The following ZZEF1 variants were observed in gnomAD, a reference collection of about 807,000 sequenced individuals.
The protein encoded by ZZEF1 is zinc finger ZZ-type and EF-hand domain-containing protein 1.
Under a neutral mutation model 342.8 loss-of-function variants are expected in ZZEF1, and 157 were observed. The observed-to-expected ratio is 0.46, with a 90% CI of 0.40 to 0.52. The LOEUF is 0.52. Ranked by LOEUF, ZZEF1 falls within the 20% of genes least tolerant of loss-of-function variation. ZZEF1 has a pLI of 0.00. For synonymous variants in ZZEF1, 1,505 were observed against 1,429.1 expected (o/e 1.05, Z -1.20); for missense variants, 3,480 against 3,725.6 (o/e 0.93, Z 1.72).
In ZZEF1 at chr17:4,049,811, C is replaced by A. The variant is rs191605760; in HGVS notation, c.5912G>T (p.Ser1971Ile). 6.2e-7 allele frequency: 1 copy of A among 1,614,164 alleles called. No individual in the cohort carries two copies. The highest frequency in any genetic ancestry group is 1.3e-5 in the African/African-American group (1 of 75,036). ...LLGVLPDGDS[S>I]LEDQALPVTV... ...GACTGGTAGGGCCTGATCTTCTAGGCTCGAGTCCCCATCTGGCAATACACC... is the reference window on the plus strand; with the variant it reads ...GACTGGTAGGGCCTGATCTTCTAGGATCGAGTCCCCATCTGGCAATACACC... Residue 1971 changes from serine (S) to isoleucine (I), a missense_variant, in exon 37 of 55, where the codon AGC (serine) becomes ATC (isoleucine). Coordinates refer to ENST00000381638, the MANE Select transcript of ZZEF1 (RefSeq NM_015113.4).
chr17:4,136,598 A>G (rs1214446405), intron 1 of ZZEF1, among the ~76,000 whole-genome samples: 1 of 152,166 alleles, frequency 6.6e-6, no homozygotes. Flanking sequence ...GAAGAACAGC[A>G]GAATGAGCAG....
intron 42 of ZZEF1, among the ~76,000 whole-genome samples, chr17:4,029,874 CAAAAAAAAA>C (rs58293642): frequency 3.5e-4 from 29 of 82,278 alleles, no homozygotes; most frequent in East Asian, 6.9e-4. Flanking sequence ...AACTCCATCT[CAAAAAAAAA>C]AAAAAAAAAA....
At chr17:4,031,642 T>C (rs1478758582) in intron 42 of ZZEF1, among the ~76,000 whole-genome samples, 3 of 152,184 alleles carry the variant, frequency 2.0e-5, no homozygotes, top group Admixed American at 2.0e-4. Context: ...GGGAATGTAA[T>C]GGGTAGATAC....
chr17:4,019,264 T>C (rs2056200658), intron 46 of ZZEF1, among the ~76,000 whole-genome samples: 1 of 152,018 alleles, frequency 6.6e-6, no homozygotes, highest in African/African-American at 2.4e-5. Context: ...AATTAAAAAG[T>C]TGGGCCCAAA....
At chr17:4,056,108 C>G (rs1019188573) in intron 33 of ZZEF1, 108 bp downstream of exon 33, 1 of 1,240,278 alleles carries the variant, frequency 8.1e-7, no homozygotes, top group Non-Finnish European at 1.1e-6. Flanking sequence ...GTATTGAATG[C>G]CACCTGCAGC....
At chr17:4,129,789 A>T (rs2058634792) in intron 1 of ZZEF1, among the ~76,000 whole-genome samples, 1 of 152,124 alleles carries the variant, frequency 6.6e-6, no homozygotes, top group African/African-American at 2.4e-5. Context: ...AAAAGAATAA[A>T]AAAGAAAATA....
chr17:4,136,420 C>T (rs2058750514), intron 1 of ZZEF1, among the ~76,000 whole-genome samples: 2 of 151,800 alleles, frequency 1.3e-5, no homozygotes, highest in Admixed American at 6.6e-5. Context: ...AGTAACACTG[C>T]CAATTACAAC....
intron 9 of ZZEF1, among the ~76,000 whole-genome samples, 159 bp downstream of exon 9, chr17:4,102,158 C>T (rs2058137783): frequency 6.6e-6 from 1 of 152,190 alleles, no homozygotes; most frequent in Non-Finnish European, 1.5e-5. Flanking sequence ...AGGCAGATTA[C>T]AACTACACCA....
chr17:4,071,497 T>A (rs1001361732), intron 25 of ZZEF1: 1 of 152,390 alleles, frequency 6.6e-6, no homozygotes, highest in African/African-American at 2.4e-5. Flanking sequence ...AATGACAAGA[T>A]AATGCAGTGA....
intron 37 of ZZEF1, among the ~76,000 whole-genome samples, chr17:4,048,067 A>G (rs947570658): frequency 1.8e-4 from 27 of 152,314 alleles, no homozygotes; most frequent in African/African-American, 6.5e-4. Context: ...TATGGGTGGA[A>G]GGTTAGTTTT....
intron 36 of ZZEF1, among the ~76,000 whole-genome samples, chr17:4,050,439 A>G (rs138060151): frequency 6.6e-6 from 1 of 152,368 alleles, no homozygotes; most frequent in African/African-American, 2.4e-5. Flanking sequence ...GTGTGGAAGC[A>G]GATTTACACT....
intron 34 of ZZEF1, among the ~76,000 whole-genome samples, chr17:4,053,240 G>A (rs535827904): frequency 1.3e-5 from 2 of 152,170 alleles, no homozygotes; most frequent in Admixed American, 1.3e-4. Context: ...TAGTATCTTG[G>A]GGTCCCACAG....
At chr17:4,109,573 C>CT in intron 6 of ZZEF1, 80 bp downstream of exon 6, 1 of 1,460,208 alleles carries the variant, frequency 6.8e-7, no homozygotes. Context: ...TGATGGAAGG[C>CT]TGCTCAGTGA....
At chr17:4,057,769 A>G (rs1364162794) in intron 32 of ZZEF1, among the ~76,000 whole-genome samples, 1 of 152,160 alleles carries the variant, frequency 6.6e-6, no homozygotes, top group Admixed American at 6.5e-5. Flanking sequence ...TCATCACAAC[A>G]AGCCTCGGAG....
intron 42 of ZZEF1, among the ~76,000 whole-genome samples, chr17:4,027,352 T>C (rs959368843): frequency 7.3e-6 from 1 of 137,138 alleles, no homozygotes; most frequent in Non-Finnish European, 1.5e-5. Flanking sequence ...TAGAGTGCAA[T>C]GGCACAATCT....
rs116932113 is a variant in ZZEF1 at position 4,121,784 on chromosome 17, G to A, written c.499+2123C>T. Among the ~76,000 whole-genome samples, 155 of 151,434 alleles carry A rather than the reference G, an allele frequency of 1.0e-3. 3 individuals carry two copies. In the East Asian group the frequency reaches 0.029, roughly 28 times the overall value. On this transcript the variant is annotated intron_variant, in intron 2 of 54. Transcript: ENST00000381638. ...TATCACAGGGATGGAGTACAGTGGC[G>A]TGATCACGGCTCACTGCAGCCTCAA... is the stretch of plus-strand genomic sequence containing the variant.
intron 23 of ZZEF1, 68 bp downstream of exon 23, chr17:4,075,029 C>T: frequency 1.3e-6 from 2 of 1,527,150 alleles, no homozygotes; most frequent in East Asian, 2.3e-5. Context: ...TCTACTGCCC[C>T]CTGAAGGCTG....
At chr17:4,100,040 G>A (rs2058101266) in intron 9 of ZZEF1, among the ~76,000 whole-genome samples, 1 of 152,180 alleles carries the variant, frequency 6.6e-6, no homozygotes, top group Non-Finnish European at 1.5e-5. Context: ...TGACTGCCAG[G>A]AACGTTAGCC....
intron 18 of ZZEF1, among the ~76,000 whole-genome samples, chr17:4,078,576 T>C (rs2145316573): frequency 6.6e-6 from 1 of 152,288 alleles, no homozygotes; most frequent in South Asian, 2.1e-4. Flanking sequence ...AAGGAAATGG[T>C]GAACACAAGC....
Sources: gnomAD v4.1 joint callset for allele counts (sites outside exome capture counted in the v4.1 genomes callset) on GRCh38, gnomAD v4.1.1 for gene constraint, MANE v1.5 for transcripts, NCBI Gene and HGNC (gene_info 2026-07-23, HGNC 2026-07-21) for gene names.